The following PCDHGA10 variants were observed in gnomAD, a reference collection of about 807,000 sequenced individuals.
The protein encoded by PCDHGA10 is protocadherin gamma-A10.
In PCDHGA10, 42 loss-of-function variants were observed where a neutral mutation model predicts 59.5. The ratio of observed to expected loss-of-function variants is 0.71; its 90% CI spans 0.55 to 0.91. The LOEUF (loss-of-function observed/expected upper bound fraction) is 0.91. PCDHGA10 is among the 40% of genes least tolerant of loss of function. PCDHGA10 has a pLI of 0.00. For synonymous variants in PCDHGA10, 511 were observed against 517.2 expected (o/e 0.99, Z 0.16); for missense variants, 1,111 against 1,198.2 (o/e 0.93, Z 1.07).
chr5:141,478,017 T>C lies in PCDHGA10; in HGVS notation c.2437-16790T>C, dbSNP rs776415195. ...GGTCAAATCAGTACTGCCCGTCCAG[T>C]CCAAGACACAGATTCACCCAGGCAG... On this transcript the variant is annotated intron_variant, in intron 1 of 3. Transcript: ENST00000398610. 15 of 1,613,910 alleles carry C rather than the reference T, an allele frequency of 9.3e-6. No homozygotes were observed. In the African/African-American group the frequency reaches 1.9e-4, roughly 20 times the overall value.
intron 1 of PCDHGA10, among the ~76,000 whole-genome samples, chr5:141,433,397 A>ATCTATCTG (rs1554126017): frequency 5.3e-5 from 8 of 150,410 alleles, no homozygotes; most frequent in Non-Finnish European, 1.2e-4. Context: ...CTATCTATCT[A>ATCTATCTG]TCTATCTATT....
intron 1 of PCDHGA10, among the ~76,000 whole-genome samples, chr5:141,473,922 A>T (rs1025156251): frequency 2.0e-5 from 3 of 152,182 alleles, no homozygotes; most frequent in South Asian, 2.1e-4. Flanking sequence ...GAAAACTATG[A>T]GCTGGGTGCA....
chr5:141,511,342 C>T lies in PCDHGA10; in HGVS notation c.*169C>T. On this transcript the variant is annotated 3_prime_UTR_variant, in exon 4 of 4. Transcript: ENST00000398610. The stretch of plus-strand genomic sequence containing the variant: ...AACAAGTGCCCAGTCAGCACCTACC[C>T]CTTCCCCCCCAGGGGGTTGAATATG... The T allele has an allele frequency of 7.0e-7, 1 of 1,425,078 alleles. No individual in the cohort carries two copies. Among genetic ancestry groups the T allele is most frequent in the East Asian group, 2.5e-5 (1 of 40,014 alleles). 88.3% of individuals were successfully genotyped at this position (1,425,078 alleles called of 1,614,324 possible). A position where few individuals can be genotyped will look rare whatever the true frequency, so the allele number is the denominator to read the frequency against.
At chr5:141,440,113 G>A (rs1375262224) in intron 1 of PCDHGA10, 1 of 152,248 alleles carries the variant, frequency 6.6e-6, no homozygotes, top group Non-Finnish European at 1.5e-5. Context: ...ACTTACTTGT[G>A]AATGACTGAA....
intron 3 of PCDHGA10, 154 bp from the exon 4 acceptor site, chr5:141,510,793 G>GAGA: frequency 1.1e-6 from 1 of 935,078 alleles, no homozygotes; most frequent in Non-Finnish European, 1.3e-6. Context: ...CTCTTGTGAA[G>GAGA]AGAGACTACC....
chr5:141,466,646 T>C (rs954003023), intron 1 of PCDHGA10, among the ~76,000 whole-genome samples: 11 of 152,210 alleles, frequency 7.2e-5, no homozygotes, highest in African/African-American at 2.4e-4. Context: ...CATAAACTTT[T>C]CACAAAACAT....
At chr5:141,504,182 C>A (rs2099836345) in intron 2 of PCDHGA10, among the ~76,000 whole-genome samples, 1 of 152,234 alleles carries the variant, frequency 6.6e-6, no homozygotes, top group Non-Finnish European at 1.5e-5. Context: ...TCAAAAAAAT[C>A]ATGAAAATTG....
Position 141,489,753 on chromosome 5 carries a change from T to A in PCDHGA10, c.2437-5054T>A, listed in dbSNP as rs549652158. On this transcript the variant is annotated intron_variant, in intron 1 of 3. Transcript: ENST00000398610. The surrounding 1 kb of genome is among the most constrained non-coding windows in gnomAD (Gnocchi z 4.5). ...GCACCAATACTGTGAGCTTTTACAC[T>A]CTAAGCCCCAACAGCCACTTCTCTC... 6.2e-7 allele frequency: 1 copy of A among 1,614,070 alleles called. No homozygotes were observed. The highest frequency in any genetic ancestry group is 2.2e-5 in the East Asian group (1 of 44,866).
At chr5:141,418,295 G>A (rs751665486) in intron 1 of PCDHGA10, 1 of 1,613,996 alleles carries the variant, frequency 6.2e-7, no homozygotes, top group Admixed American at 1.7e-5. Context: ...CAGTGAATCC[G>A]TCAGCCTGGG....
Position 141,477,468 on chromosome 5 carries a change from A to G in PCDHGA10, c.2437-17339A>G. ...GTGCGTGTTCAAGTGTCCGACATCA[A>G]TGACAACCCTCCACAATCTTCTCAA... is the stretch of plus-strand genomic sequence containing the variant. On this transcript the variant is annotated intron_variant, in intron 1 of 3. Transcript: ENST00000398610. This position sits in a 1 kb window ranked among gnomAD's most constrained non-coding sequence, Gnocchi z 4.9. 6.2e-7 allele frequency: 1 copy of G among 1,614,158 alleles called. No homozygotes were observed. Among genetic ancestry groups the G allele is most frequent in the Non-Finnish European group, 8.5e-7 (1 of 1,180,022 alleles).
intron 1 of PCDHGA10, chr5:141,428,149 G>A (rs1048150182): frequency 8.8e-6 from 14 of 1,586,676 alleles, no homozygotes; most frequent in African/African-American, 1.3e-5. Flanking sequence ...CTGCACACGG[G>A]AACCTGCTGG....
intron 2 of PCDHGA10, among the ~76,000 whole-genome samples, chr5:141,496,078 CCCCACCCACCA>C (rs1204698458): frequency 6.6e-6 from 1 of 152,016 alleles, no homozygotes; most frequent in Non-Finnish European, 1.5e-5. Context: ...ACACACAACC[CCCCACCCACCA>C]CCCACCAACA....
chr5:141,428,013 C>T, intron 1 of PCDHGA10: 4 of 1,603,660 alleles, frequency 2.5e-6, no homozygotes, highest in Non-Finnish European at 3.4e-6. Flanking sequence ...CGATATAGTG[C>T]CACGCGCCGC....
intron 1 of PCDHGA10, chr5:141,440,987 A>C (rs2098217413): frequency 6.6e-6 from 1 of 152,278 alleles, no homozygotes; most frequent in African/African-American, 2.4e-5. Flanking sequence ...AACCCAGAGT[A>C]CCCATATCTA....
At chr5:141,478,231 T>C (rs1423148) in intron 1 of PCDHGA10, 739,438 of 1,613,786 alleles carry the variant, frequency 0.46, 177,434 homozygotes, top group African/African-American at 0.83. Flanking sequence ...CTGTGGGGTT[T>C]GTGGTCACAG....
intron 1 of PCDHGA10, chr5:141,419,616 A>G (rs1291494618): frequency 6.2e-7 from 1 of 1,612,086 alleles, no homozygotes; most frequent in African/African-American, 1.3e-5. Flanking sequence ...CAGCCAGGCT[A>G]CCTGGTGACC....
chr5:141,418,111 A>G (rs763834283), intron 1 of PCDHGA10: 19 of 1,613,940 alleles, frequency 1.2e-5, no homozygotes, highest in Non-Finnish European at 1.5e-5. Context: ...GCGGGGACTT[A>G]CTTGTGAAGG....
rs776990176 is a variant in PCDHGA10 at position 141,485,136 on chromosome 5, C to A, written c.2437-9671C>A. ...GTTTGGGGCGGGTCGGCTTCATCCG[C>A]GTCTCAGGAGCAAGTAGAGAATTAG... On this transcript the variant is annotated intron_variant, in intron 1 of 3. Transcript: ENST00000398610. The surrounding 1 kb of genome is among the most constrained non-coding windows in gnomAD (Gnocchi z 5.7). The A allele has an allele frequency of 4.0e-6, 6 of 1,502,706 alleles. No individual in the cohort carries two copies. The South Asian group carries it at 5.9e-5, about 15-fold the overall frequency. The allele number at this position is 1,502,706 out of a possible 1,614,324, so 93.1% of individuals were successfully genotyped here.
At position 141,413,124 on chromosome 5, in the gene PCDHGA10, AAC is replaced by A; in HGVS notation, c.-46_-45del. The A allele has an allele frequency of 1.3e-6, 2 of 1,528,020 alleles. No individual in the cohort carries two copies. Among genetic ancestry groups the A allele is most frequent in the Non-Finnish European group, 1.8e-6 (2 of 1,137,132 alleles). 94.7% of individuals were successfully genotyped at this position (1,528,020 alleles called of 1,614,324 possible). ...ACAGAAAGACAAAGGAACCGGTTGAAACACACAACGTGTCCAGTGAGGACTTT... is the reference window on the plus strand; with the variant it reads ...ACAGAAAGACAAAGGAACCGGTTGAAACACAACGTGTCCAGTGAGGACTTT... On this transcript the variant is annotated 5_prime_UTR_variant, in exon 1 of 4. Transcript: ENST00000398610.
Sources: allele counts gnomAD v4.1 joint callset (sites outside exome capture counted in the v4.1 genomes callset), GRCh38; gene constraint gnomAD v4.1.1; non-coding constraint Gnocchi (gnomAD v3.1); transcripts MANE v1.5; gene names NCBI Gene and HGNC (gene_info 2026-07-23, HGNC 2026-07-21).